The following CAST variants were observed in gnomAD, a reference collection of about 807,000 sequenced individuals.
The protein encoded by CAST is calpastatin, also known as MIR583 host.
In CAST, 76 loss-of-function variants were observed where a neutral mutation model predicts 119.6. The observed-to-expected ratio is 0.64, with a 90% CI of 0.53 to 0.77. CAST has a LOEUF of 0.77. Among genes scored for constraint, CAST ranks in the 30% least tolerant of loss-of-function variants. The pLI, the probability that CAST is intolerant of heterozygous loss-of-function variation, is 0.00. For missense variants in CAST, 953 were observed against 946.5 expected (o/e 1.01, Z -0.09); for synonymous variants, 319 against 331.6 (o/e 0.96, Z 0.41).
chr5:96,159,492 A>G, the CAST span, among the ~76,000 whole-genome samples: 1 of 152,224 alleles, frequency 6.6e-6, no homozygotes, highest in African/African-American at 2.4e-5. Context: ...AAAAGCTAGT[A>G]ACTTCCCTTC....
At chr5:96,055,628 A>T in the CAST span, among the ~76,000 whole-genome samples, 1 of 152,202 alleles carries the variant, frequency 6.6e-6, no homozygotes, top group Non-Finnish European at 1.5e-5. Flanking sequence ...GAAGAAAACA[A>T]ATGAACCAAA....
chr5:96,366,469 G>C, the CAST span, among the ~76,000 whole-genome samples: 2 of 152,032 alleles, frequency 1.3e-5, no homozygotes, highest in Non-Finnish European at 2.9e-5. Flanking sequence ...GTACACCAAT[G>C]AGACGTAGAT....
chr5:96,552,993 T>C (rs1746164685), intron 1 of CAST, among the ~76,000 whole-genome samples: 1 of 152,218 alleles, frequency 6.6e-6, no homozygotes, highest in Non-Finnish European at 1.5e-5. Context: ...AAAGAGGAGC[T>C]GGTATCATTC....
chr5:96,336,499 T>A, the CAST span, among the ~76,000 whole-genome samples: 1 of 152,322 alleles, frequency 6.6e-6, no homozygotes, highest in South Asian at 2.1e-4. Context: ...TGTTAGAAAG[T>A]ATGCCAAACA....
At chr5:96,404,484 A>G in the CAST span, among the ~76,000 whole-genome samples, 1 of 152,200 alleles carries the variant, frequency 6.6e-6, no homozygotes, top group African/African-American at 2.4e-5. Flanking sequence ...GCCAGAAACC[A>G]TTCCTTCTCC....
intron 20 of CAST, 125 bp from the exon 21 acceptor site, chr5:96,753,935 C>A: frequency 1.6e-6 from 1 of 624,492 alleles, no homozygotes; most frequent in Non-Finnish European, 2.9e-6. Context: ...GTTGATAACT[C>A]GAGTTATTAA....
chr5:96,406,095 A>G, the CAST span, among the ~76,000 whole-genome samples: 1 of 152,148 alleles, frequency 6.6e-6, no homozygotes, highest in African/African-American at 2.4e-5. Flanking sequence ...TGGATTACCT[A>G]TGCAGGCTGA....
the CAST span, among the ~76,000 whole-genome samples, chr5:96,201,467 CAG>C: frequency 2.0e-5 from 3 of 152,142 alleles, 1 homozygote; most frequent in South Asian, 4.1e-4. Context: ...ACGAGCCACA[CAG>C]AAACAGCAAT....
the CAST span, among the ~76,000 whole-genome samples, chr5:96,057,945 A>G: frequency 2.6e-5 from 4 of 152,170 alleles, no homozygotes; most frequent in Non-Finnish European, 5.9e-5. Context: ...TTCTTATGGT[A>G]GAAGAACAAT....
the CAST span, among the ~76,000 whole-genome samples, chr5:96,410,561 G>C: frequency 0.024 from 3,712 of 152,102 alleles, 172 homozygotes; most frequent in African/African-American, 0.086. Flanking sequence ...AAAAATGACA[G>C]AGGGGAAGAT....
the CAST span, among the ~76,000 whole-genome samples, chr5:96,179,107 C>T: frequency 6.6e-5 from 10 of 152,114 alleles, no homozygotes; most frequent in African/African-American, 2.4e-4. Flanking sequence ...CATATATGTC[C>T]TCTCCTTTAC....
chr5:96,604,592 G>C (rs1233317768), intron 1 of CAST, among the ~76,000 whole-genome samples: 2 of 152,178 alleles, frequency 1.3e-5, no homozygotes, highest in Non-Finnish European at 2.9e-5. Context: ...TACGGGGATA[G>C]GGCACATGAA....
chr5:96,338,663 AT>A, the CAST span, among the ~76,000 whole-genome samples: 1 of 152,100 alleles, frequency 6.6e-6, no homozygotes, highest in Non-Finnish European at 1.5e-5. Context: ...AGTATATTAT[AT>A]TTCTCTTTCT....
At chr5:96,390,025 A>AG in the CAST span, among the ~76,000 whole-genome samples, 1 of 152,146 alleles carries the variant, frequency 6.6e-6, no homozygotes, top group Non-Finnish European at 1.5e-5. Context: ...TAGCCTGTAA[A>AG]CTAAGTCCTA....
At chr5:96,107,412 G>A in the CAST span, among the ~76,000 whole-genome samples, 14,434 of 151,338 alleles carry the variant, frequency 0.095, 863 homozygotes, top group East Asian at 0.24. Context: ...CTTTTAGGGC[G>A]GGCCTGGTGG....
the CAST span, among the ~76,000 whole-genome samples, chr5:96,496,435 G>C: frequency 6.6e-6 from 1 of 152,218 alleles, no homozygotes; most frequent in Admixed American, 6.5e-5. Flanking sequence ...CATCAAGATA[G>C]AGGTGGAATT....
At chr5:96,115,832 C>T in the CAST span, among the ~76,000 whole-genome samples, 1 of 151,656 alleles carries the variant, frequency 6.6e-6, no homozygotes, top group Non-Finnish European at 1.5e-5. Context: ...GAATCTGTTA[C>T]GAAATTGTGA....
the CAST span, among the ~76,000 whole-genome samples, chr5:96,516,535 A>C: frequency 1.3e-5 from 2 of 152,194 alleles, no homozygotes; most frequent in African/African-American, 4.8e-5. Flanking sequence ...TAGTTTCTTA[A>C]TGGTTGTTAG....
chr5:96,373,355 A>C, the CAST span, among the ~76,000 whole-genome samples: 2 of 152,250 alleles, frequency 1.3e-5, no homozygotes, highest in Admixed American at 1.3e-4. Context: ...GAAATGTCTT[A>C]GATTCTGTAG....
Sources: gnomAD v4.1 joint callset for allele counts (sites outside exome capture counted in the v4.1 genomes callset) on GRCh38, gnomAD v4.1.1 for gene constraint, MANE v1.5 for transcripts, NCBI Gene and HGNC (gene_info 2026-07-23, HGNC 2026-07-21) for gene names.